RSPO4: variants seen among roughly 807,000 people sequenced by gnomAD.
The protein encoded by RSPO4 is R-spondin-4.
A neutral mutation model predicts 24.8 loss-of-function variants in RSPO4; 23 were observed. The ratio of observed to expected loss-of-function variants is 0.93; its 90% confidence interval spans 0.67 to 1.31. The LOEUF (loss-of-function observed/expected upper bound fraction) is 1.31. Among genes scored for constraint, RSPO4 ranks in the 40% most tolerant of loss-of-function variants. The pLI is 0.00. For missense variants in RSPO4, 333 were observed against 316.5 expected, an observed-to-expected ratio of 1.05 and a Z score of -0.39; for synonymous variants, 141 against 127.4, an observed-to-expected ratio of 1.11 and a Z score of -0.72.
At position 996,248 on chromosome 20, in the gene RSPO4, A is replaced by T. The variant is rs1012854007; in HGVS notation, c.79+5838T>A. Among the ~76,000 whole-genome samples, 11 of 152,142 alleles carry T rather than the reference A, an allele frequency of 7.2e-5. No homozygotes were observed. In the East Asian group the frequency reaches 2.1e-3, roughly 29 times the overall value. ...TTCCGTTCCATTCCATTCCGTTACC[A>T]TTCCATTCCATTTCATTAGAAAATG... On this transcript the variant is annotated intron_variant, in intron 1 of 4. Transcript: ENST00000217260.
chr20:1,002,082 G>C lies in RSPO4; in HGVS notation c.79+4C>G, dbSNP rs1329885720. ...CGGCCGCCCTGCCCAGCCACCCCTTGTACCTTGCTTCTTCCTTCGGTTCAG... is the reference window on the plus strand; with the variant it reads ...CGGCCGCCCTGCCCAGCCACCCCTTCTACCTTGCTTCTTCCTTCGGTTCAG... On this transcript the variant is annotated splice_donor_region_variant and intron_variant, in intron 1 of 4. Coordinates refer to ENST00000217260, the MANE Select transcript of RSPO4 (RefSeq NM_001029871.4). The surrounding 1 kb of genome is among the most constrained non-coding windows in gnomAD (Gnocchi z 4.6). The C allele has an allele frequency of 3.9e-6, 6 of 1,554,678 alleles. No homozygotes were observed. In the East Asian group the frequency reaches 1.4e-4, roughly 38 times the overall value.
chr20:978,067 C>T (rs1361592344), intron 1 of RSPO4, among the ~76,000 whole-genome samples: 1 of 152,158 alleles, frequency 6.6e-6, no homozygotes, highest in Non-Finnish European at 1.5e-5. Flanking sequence ...AGATGACTCC[C>T]AGCTTAGAGA....
In RSPO4 at chr20:963,917, G is replaced by A. The variant is rs767513280; in HGVS notation, c.595+18C>T. 42 of 1,612,576 alleles carry A rather than the reference G, an allele frequency of 2.6e-5. No homozygotes were observed. Among genetic ancestry groups the A allele is most frequent in the Non-Finnish European group, 3.4e-5 (40 of 1,179,568 alleles). On this transcript the variant is annotated intron_variant, in intron 4 of 4. Transcript: ENST00000217260. ...GGCCTTTCCCACCGCAGCCTCGTGT[G>A]CCTGTCCTGGGGCTCACCTCCTGGG... is the stretch of plus-strand genomic sequence containing the variant.
At chr20:964,787 T>C (rs1013895728) in intron 3 of RSPO4, among the ~76,000 whole-genome samples, 7 of 121,418 alleles carry the variant, frequency 5.8e-5, no homozygotes, top group South Asian at 2.7e-4. Flanking sequence ...CATATATATA[T>C]ACACATATAT....
At chr20:960,759 C>T (rs1983968021) in intron 4 of RSPO4, among the ~76,000 whole-genome samples, 1 of 152,184 alleles carries the variant, frequency 6.6e-6, no homozygotes, top group African/African-American at 2.4e-5. Flanking sequence ...TCACCTGGGG[C>T]CCCCCAATCA....
At chr20:997,677 A>ATCTG (rs1412541283) in intron 1 of RSPO4, among the ~76,000 whole-genome samples, 1 of 152,212 alleles carries the variant, frequency 6.6e-6, no homozygotes, top group African/African-American at 2.4e-5. Flanking sequence ...GGCCTGGTGC[A>ATCTG]TCTGTCTGTG....
intron 1 of RSPO4, among the ~76,000 whole-genome samples, chr20:976,734 C>G (rs1392683046): frequency 3.9e-5 from 6 of 152,122 alleles, no homozygotes; most frequent in African/African-American, 1.2e-4. Flanking sequence ...CTCGTCTCCT[C>G]AGTAGCCCAG....
chr20:989,061 A>G (rs1010034118), intron 1 of RSPO4, among the ~76,000 whole-genome samples: 1 of 152,174 alleles, frequency 6.6e-6, no homozygotes, highest in Non-Finnish European at 1.5e-5. Flanking sequence ...AGCAGACTGC[A>G]TACCCTCCGG....
chr20:981,763 C>T lies in RSPO4; in HGVS notation c.80-13625G>A, dbSNP rs962784869. Among the ~76,000 whole-genome samples, 5 of 152,266 alleles carry T rather than the reference C, an allele frequency of 3.3e-5. No individual in the cohort carries two copies. The highest frequency in any genetic ancestry group is 9.6e-5 in the African/African-American group (4 of 41,566). On this transcript the variant is annotated intron_variant, in intron 1 of 4. Coordinates refer to ENST00000217260, the MANE Select transcript of RSPO4 (RefSeq NM_001029871.4). The surrounding 1 kb of genome is among the most constrained non-coding windows in gnomAD (Gnocchi z 4.6). ...ACGAGACCCCTGTCTAAAGGATCTGCCTGTCCCCACATTAAAGCATAGAGA... is the reference window on the plus strand; with the variant it reads ...ACGAGACCCCTGTCTAAAGGATCTGTCTGTCCCCACATTAAAGCATAGAGA...
intron 2 of RSPO4, 88 bp downstream of exon 2, chr20:967,862 C>T: frequency 7.7e-7 from 1 of 1,298,708 alleles, no homozygotes; most frequent in Non-Finnish European, 1.1e-6. Flanking sequence ...TACTTCCCCT[C>T]TGTCTGTGCT....
At chr20:991,879 A>C (rs1349958209) in intron 1 of RSPO4, among the ~76,000 whole-genome samples, 1 of 152,224 alleles carries the variant, frequency 6.6e-6, no homozygotes, top group Non-Finnish European at 1.5e-5. Context: ...AACAATCTAA[A>C]GAATAAAGAA....
chr20:982,697 C>T (rs1355819239), intron 1 of RSPO4, among the ~76,000 whole-genome samples: 2 of 152,164 alleles, frequency 1.3e-5, no homozygotes, highest in African/African-American at 2.4e-5. Context: ...TCTGTTGCCT[C>T]TCGCATCCTC....
chr20:989,650 C>A (rs1985033729), intron 1 of RSPO4, among the ~76,000 whole-genome samples: 1 of 152,202 alleles, frequency 6.6e-6, no homozygotes, highest in South Asian at 2.1e-4. Flanking sequence ...ACTATCTCCA[C>A]CAAACCCAAA....
At chr20:996,520 C>T (rs1044469133) in intron 1 of RSPO4, among the ~76,000 whole-genome samples, 3 of 152,148 alleles carry the variant, frequency 2.0e-5, no homozygotes, top group African/African-American at 7.2e-5. Context: ...AGGTCTTGTC[C>T]ATGATGTTCT....
chr20:975,732 A>G (rs763063685), intron 1 of RSPO4, among the ~76,000 whole-genome samples: 4 of 152,158 alleles, frequency 2.6e-5, no homozygotes, highest in Non-Finnish European at 5.9e-5. Context: ...CTGAGCCCCT[A>G]TTCTGGGTAA....
At chr20:990,021 T>C (rs547403010) in intron 1 of RSPO4, among the ~76,000 whole-genome samples, 2 of 152,318 alleles carry the variant, frequency 1.3e-5, no homozygotes, top group East Asian at 1.9e-4. Context: ...ACTTACTCCA[T>C]TGGCAGGGAT....
intron 1 of RSPO4, among the ~76,000 whole-genome samples, chr20:987,250 C>T (rs1171721768): frequency 1.3e-5 from 2 of 152,222 alleles, no homozygotes; most frequent in African/African-American, 4.8e-5. Flanking sequence ...AGGTCTGCTA[C>T]ATCCATTGCT....
chr20:974,075 T>C (rs1984490448), intron 1 of RSPO4, among the ~76,000 whole-genome samples: 1 of 152,190 alleles, frequency 6.6e-6, no homozygotes, highest in African/African-American at 2.4e-5. Flanking sequence ...GAATCATCAG[T>C]GATGACAAGA....
In RSPO4 at chr20:967,307, C is replaced by T. The variant is rs1555795575; in HGVS notation, c.276G>A (p.Gly92=). The part of the protein sequence containing the change: ...GQEVNRCKKC[G]ATCESCFSQD... ...GGCTGAAGCAGCTCTCACAAGTGGC[C>T]CCACATTCTGTAATAGAGCCAGGGA... The change falls in exon 3 of 5, where the codon GGG becomes GGA. Residue 92 remains glycine (G), a synonymous_variant. Transcript: ENST00000217260. 2.5e-6 allele frequency: 4 copies of T among 1,614,114 alleles called. No homozygotes were observed. Among genetic ancestry groups the T allele is most frequent in the Non-Finnish European group, 3.4e-6 (4 of 1,180,044 alleles).
Sources: allele counts gnomAD v4.1 joint callset (sites outside exome capture counted in the v4.1 genomes callset), GRCh38; gene constraint gnomAD v4.1.1; non-coding constraint Gnocchi (gnomAD v3.1); transcripts MANE v1.5; gene names NCBI Gene and HGNC (gene_info 2026-07-23, HGNC 2026-07-21).